The following DYNC1I2 variants were observed in gnomAD, a reference collection of about 807,000 sequenced individuals.
DYNC1I2 encodes the protein dynein cytoplasmic 1 intermediate chain 2, also known as cytoplasmic dynein 1 intermediate chain 2.
DYNC1I2 carries 53 observed loss-of-function variants against 88.6 expected under a neutral mutation model. The ratio of observed to expected loss-of-function variants is 0.60; its 90% CI spans 0.48 to 0.75. DYNC1I2 has a LOEUF of 0.75. DYNC1I2 is among the 30% of genes least tolerant of loss of function. The pLI is 0.00. For missense variants in DYNC1I2, 458 were observed against 766.6 expected, an observed-to-expected ratio of 0.60 and a Z score of 4.75; for synonymous variants, 198 against 254.6, an observed-to-expected ratio of 0.78 and a Z score of 2.12.
intron 3 of DYNC1I2, among the ~76,000 whole-genome samples, chr2:171,699,930 G>C (rs1344721954): frequency 6.6e-6 from 1 of 151,888 alleles, no homozygotes; most frequent in African/African-American, 2.4e-5. Context: ...AATGGTTATA[G>C]TCTCTTCAGA....
intron 3 of DYNC1I2, among the ~76,000 whole-genome samples, chr2:171,701,208 C>T (rs942352574): frequency 2.0e-5 from 3 of 151,962 alleles, no homozygotes; most frequent in South Asian, 2.1e-4. Flanking sequence ...TTTTTGGAGA[C>T]GGAGTCTTGC....
At position 171,725,788 on chromosome 2, in the gene DYNC1I2, G is replaced by T. The variant is rs1049892558; in HGVS notation, c.607+75G>T. 240 of 1,270,806 alleles carry T rather than the reference G, an allele frequency of 1.9e-4. 2 individuals carry two copies. Among genetic ancestry groups the T allele is most frequent in the Middle Eastern group, 5.7e-4 (3 of 5,298 alleles). 78.7% of individuals were successfully genotyped at this position (1,270,806 alleles called of 1,614,324 possible). A position where few individuals can be genotyped will look rare whatever the true frequency, so the allele number is the denominator to read the frequency against. On this transcript the variant is annotated intron_variant, in intron 8 of 17. Transcript: ENST00000397119. Reference sequence around the variant, plus strand: ...TTCCTTTTATTATGTATTAAAGTAGGATGAAATGCTGTAAATCAAATAAGT... The same window carrying T: ...TTCCTTTTATTATGTATTAAAGTAGTATGAAATGCTGTAAATCAAATAAGT...
Position 171,725,674 on chromosome 2 carries a change from G to A in DYNC1I2, c.568G>A (p.Glu190Lys). Residue 190 changes from glutamate (E) to lysine (K), a missense_variant, in exon 8 of 18, where the codon GAG (glutamate) becomes AAG (lysine). Glu to Lys is a moderately conservative substitution (Grantham distance 56). This residue lies in a region of DYNC1I2 where 203 missense variants were observed against 354.2 expected (regional missense o/e 0.57). Transcript: ENST00000397119. ...TAAACCACCTATTGAACCTGAAGAA[G>A]AGAAAACTTTAAAGAAAGATGAGGA... ...APKPPIEPEE[E>K]KTLKKDEEND... The A allele has an allele frequency of 1.9e-6, 3 of 1,575,562 alleles. No homozygotes were observed. The East Asian group carries it at 7.0e-5, about 37-fold the overall frequency.
chr2:171,712,646 C>T (rs1687203908), intron 5 of DYNC1I2, 121 bp from the exon 6 acceptor site: 3 of 702,778 alleles, frequency 4.3e-6, no homozygotes, highest in African/African-American at 1.8e-5. Flanking sequence ...TAATACTAAC[C>T]AGAACATGTG....
intron 15 of DYNC1I2, among the ~76,000 whole-genome samples, chr2:171,740,454 C>T (rs568813164): frequency 3.9e-5 from 6 of 152,338 alleles, no homozygotes; most frequent in African/African-American, 1.4e-4. Context: ...TGGAAAAAAG[C>T]ATTGCTGTCA....
At chr2:171,744,254 G>C in intron 16 of DYNC1I2, 65 bp downstream of exon 16, 1 of 1,496,080 alleles carries the variant, frequency 6.7e-7, no homozygotes, top group Non-Finnish European at 8.9e-7. Context: ...TGAATAATTT[G>C]TGAAATTCCT....
At position 171,707,286 on chromosome 2, in the gene DYNC1I2, G is replaced by A. The variant is rs773345337; in HGVS notation, c.245-1G>A. 2.1e-5 allele frequency: 34 copies of A among 1,613,552 alleles called. No individual in the cohort carries two copies. Among genetic ancestry groups the A allele is most frequent in the Non-Finnish European group, 5.9e-6 (7 of 1,179,740 alleles). On this transcript the variant is annotated splice_acceptor_variant, in intron 4 of 17. Transcript: ENST00000397119. LOFTEE classifies it high-confidence loss of function. The stretch of plus-strand genomic sequence containing the variant: ...GGATACCTGTCTATTTCACTATTTA[G>A]TCCCTCCTCCTATGTCTCCATCCTC...
intron 7 of DYNC1I2, among the ~76,000 whole-genome samples, chr2:171,716,847 A>G (rs1431308608): frequency 6.6e-6 from 1 of 151,900 alleles, no homozygotes; most frequent in Non-Finnish European, 1.5e-5. Context: ...CAGAGGTTAC[A>G]GTGAGCCAAA....
chr2:171,743,946 A>G, intron 15 of DYNC1I2, 103 bp from the exon 16 acceptor site: 2 of 1,048,736 alleles, frequency 1.9e-6, no homozygotes, highest in Non-Finnish European at 2.6e-6. Flanking sequence ...ATAAAATGTT[A>G]TCATACCTGT....
At chr2:171,734,887 G>A (rs1688899556) in intron 15 of DYNC1I2, among the ~76,000 whole-genome samples, 1 of 152,088 alleles carries the variant, frequency 6.6e-6, no homozygotes, top group Non-Finnish European at 1.5e-5. Flanking sequence ...AATAATGAAT[G>A]GTAAAGAATA....
At chr2:171,712,073 A>AGTTGAAATTTTATGTT (rs1687160664) in intron 5 of DYNC1I2, among the ~76,000 whole-genome samples, 1 of 152,230 alleles carries the variant, frequency 6.6e-6, no homozygotes, top group South Asian at 2.1e-4. Flanking sequence ...TTTAGGATTG[A>AGTTGAAATTTTATGTT]CATTTGAACA....
chr2:171,743,930 A>T, intron 15 of DYNC1I2, 119 bp from the exon 16 acceptor site: 10 of 905,056 alleles, frequency 1.1e-5, no homozygotes, highest in Non-Finnish European at 1.5e-5. Flanking sequence ...GGCTGAGTTA[A>T]ATATCATAAA....
At chr2:171,712,645 C>A in intron 5 of DYNC1I2, 122 bp from the exon 6 acceptor site, 3 of 699,354 alleles carry the variant, frequency 4.3e-6, no homozygotes, top group Admixed American at 2.9e-5. Flanking sequence ...TTAATACTAA[C>A]CAGAACATGT....
intron 16 of DYNC1I2, among the ~76,000 whole-genome samples, chr2:171,745,410 T>C (rs1689711881): frequency 6.6e-6 from 1 of 152,234 alleles, no homozygotes; most frequent in Non-Finnish European, 1.5e-5. Context: ...TCTTGTCCTT[T>C]ACAACTGAAC....
intron 6 of DYNC1I2, among the ~76,000 whole-genome samples, chr2:171,714,565 A>G (rs1574561553): frequency 2.0e-5 from 3 of 152,278 alleles, no homozygotes; most frequent in African/African-American, 7.2e-5. Context: ...CCAGATAGCT[A>G]ATAAAATATA....
intron 5 of DYNC1I2, among the ~76,000 whole-genome samples, chr2:171,710,118 T>TAC (rs1225824350): frequency 9.9e-4 from 72 of 72,762 alleles, no homozygotes; most frequent in Non-Finnish European, 1.3e-3. Context: ...TTTTTATGTA[T>TAC]ATATACACAC....
At chr2:171,746,282 A>G (rs1689774568) in intron 17 of DYNC1I2, among the ~76,000 whole-genome samples, 1 of 152,148 alleles carries the variant, frequency 6.6e-6, no homozygotes, top group African/African-American at 2.4e-5. Context: ...TTCTGTATTC[A>G]TTAATTTGGG....
At chr2:171,710,996 C>T (rs1455119620) in intron 5 of DYNC1I2, among the ~76,000 whole-genome samples, 1 of 151,376 alleles carries the variant, frequency 6.6e-6, no homozygotes, top group Admixed American at 6.6e-5. Context: ...TTAGGTATGT[C>T]TCCTAATGCT....
chr2:171,734,704 A>G (rs1243017151), intron 15 of DYNC1I2, among the ~76,000 whole-genome samples: 1 of 152,176 alleles, frequency 6.6e-6, no homozygotes, highest in African/African-American at 2.4e-5. Context: ...CTACTCTGTG[A>G]AGGGTAGAGA....
Sources: allele counts gnomAD v4.1 joint callset (sites outside exome capture counted in the v4.1 genomes callset), GRCh38; gene constraint gnomAD v4.1.1; regional missense constraint gnomAD v4.1.1; transcripts MANE v1.5; gene names NCBI Gene and HGNC (gene_info 2026-07-23, HGNC 2026-07-21).